Variants in SORCS3 observed in about 807,000 individuals in gnomAD.
SORCS3 encodes the protein VPS10 domain-containing receptor SorCS3.
SORCS3 carries 57 observed loss-of-function variants against 146.3 expected under a neutral mutation model. The observed-to-expected ratio is 0.39, with a 90% confidence interval of 0.31 to 0.49. The LOEUF (loss-of-function observed/expected upper bound fraction) is 0.49, where lower values mean the gene tolerates loss of function less well. Ranked by LOEUF, SORCS3 falls within the 20% of genes least tolerant of loss-of-function variation. The probability of loss-of-function intolerance (pLI) is 0.92; values close to 1 mark genes in which losing one functional copy is unlikely to be tolerated. For missense variants in SORCS3, 1,341 were observed against 1,575.5 expected (o/e 0.85, Z 2.52); for synonymous variants, 653 against 618.5 (o/e 1.06, Z -0.83).
chr10:104,643,453 G>A (rs1230081179), intron 1 of SORCS3, among the ~76,000 whole-genome samples: 1 of 152,238 alleles, frequency 6.6e-6, no homozygotes, highest in African/African-American at 2.4e-5. Flanking sequence ...TGAAGGACCA[G>A]TGAAGTCCAG....
chr10:104,765,273 C>T (rs909588758), intron 1 of SORCS3, among the ~76,000 whole-genome samples: 4 of 152,180 alleles, frequency 2.6e-5, no homozygotes, highest in African/African-American at 7.2e-5. Flanking sequence ...CTCATAAGCC[C>T]CTTGCCCTTA....
At chr10:104,914,726 G>A (rs1021109538) in intron 2 of SORCS3, among the ~76,000 whole-genome samples, 3 of 152,232 alleles carry the variant, frequency 2.0e-5, no homozygotes, top group African/African-American at 4.8e-5. Flanking sequence ...AGCATTAGAA[G>A]GTGGATAAAG....
chr10:105,181,582 C>T (rs961369627), intron 14 of SORCS3, among the ~76,000 whole-genome samples: 5 of 152,194 alleles, frequency 3.3e-5, no homozygotes, highest in Non-Finnish European at 7.3e-5. Context: ...GGAGGATTTA[C>T]ATGGGAGACA....
chr10:104,643,941 A>G (rs1014569544), intron 1 of SORCS3, among the ~76,000 whole-genome samples: 8 of 152,152 alleles, frequency 5.3e-5, no homozygotes, highest in Non-Finnish European at 1.5e-5. Context: ...TTGAGTATTT[A>G]CAAAGCCTCT....
intron 1 of SORCS3, among the ~76,000 whole-genome samples, chr10:104,644,195 T>C (rs2133233681): frequency 6.6e-6 from 1 of 152,336 alleles, no homozygotes; most frequent in South Asian, 2.1e-4. Context: ...CCACAGGGAC[T>C]TATTGGTTGT....
At chr10:105,081,120 A>G (rs1284005826) in intron 5 of SORCS3, among the ~76,000 whole-genome samples, 2 of 152,204 alleles carry the variant, frequency 1.3e-5, no homozygotes, top group African/African-American at 4.8e-5. Flanking sequence ...CGGTTAAAAT[A>G]ATATTAATAA....
chr10:105,073,262 G>A (rs756283224), intron 5 of SORCS3, among the ~76,000 whole-genome samples: 5 of 152,154 alleles, frequency 3.3e-5, no homozygotes, highest in Non-Finnish European at 7.4e-5. Context: ...TGAGCTCTAT[G>A]TGCAGGTTCC....
chr10:104,954,675 C>T (rs915334007), intron 3 of SORCS3, among the ~76,000 whole-genome samples: 4 of 152,146 alleles, frequency 2.6e-5, no homozygotes, highest in Non-Finnish European at 4.4e-5. Flanking sequence ...AACTGGGCAT[C>T]GCGGAAAGGA....
intron 1 of SORCS3, among the ~76,000 whole-genome samples, chr10:104,836,762 T>C (rs978356660): frequency 2.4e-4 from 36 of 152,134 alleles, no homozygotes; most frequent in African/African-American, 8.5e-4. Context: ...TGTCTCTGAG[T>C]GGATCCTGCG....
At chr10:104,901,764 A>G (rs991435128) in intron 2 of SORCS3, among the ~76,000 whole-genome samples, 1 of 152,168 alleles carries the variant, frequency 6.6e-6, no homozygotes, top group South Asian at 2.1e-4. Flanking sequence ...CTAGTGAGAG[A>G]TGGTCTTGTC....
In SORCS3 at chr10:105,043,091, C is replaced by T. The variant is rs530360859; in HGVS notation, c.991C>T (p.Leu331Phe). The change falls in exon 5 of 27, where the codon CTC becomes TTC. Residue 331 changes from leucine to phenylalanine, a missense_variant. Coordinates refer to ENST00000369701, the MANE Select transcript of SORCS3 (RefSeq NM_014978.3). Reference protein sequence around the residue: ...SSMDFGRRWQLMHERITPNRF... With the variant: ...SSMDFGRRWQFMHERITPNRF... ...CATGGACTTTGGAAGACGGTGGCAA[C>T]TCATGCATGAACGCATCACACCCAA... is the stretch of plus-strand genomic sequence containing the variant. 11 of 1,613,850 alleles carry T rather than the reference C, an allele frequency of 6.8e-6. No individual in the cohort carries two copies. Among genetic ancestry groups the T allele is most frequent in the South Asian group, 6.6e-5 (6 of 91,076 alleles).
chr10:104,719,759 C>T (rs939743899), intron 1 of SORCS3, among the ~76,000 whole-genome samples: 3 of 152,304 alleles, frequency 2.0e-5, no homozygotes, highest in African/African-American at 7.2e-5. Context: ...TCTCTCTCTT[C>T]ATGTGACGGT....
chr10:104,929,083 G>A (rs2019179776), intron 3 of SORCS3, among the ~76,000 whole-genome samples: 1 of 152,180 alleles, frequency 6.6e-6, no homozygotes, highest in Non-Finnish European at 1.5e-5. Context: ...GGCCCAATGA[G>A]GTAGTGTGAT....
intron 5 of SORCS3, among the ~76,000 whole-genome samples, chr10:105,060,698 G>A (rs1205609312): frequency 6.6e-6 from 1 of 152,124 alleles, no homozygotes; most frequent in Admixed American, 6.5e-5. Context: ...TAGCACTTTG[G>A]GATGCTGAGG....
chr10:105,098,790 A>G (rs2055764141), intron 6 of SORCS3, among the ~76,000 whole-genome samples: 1 of 152,218 alleles, frequency 6.6e-6, no homozygotes, highest in Non-Finnish European at 1.5e-5. Flanking sequence ...CATGATCTTC[A>G]TATAGTCATC....
chr10:105,193,969 T>C (rs1323595801), intron 14 of SORCS3, among the ~76,000 whole-genome samples: 1 of 152,126 alleles, frequency 6.6e-6, no homozygotes, highest in Non-Finnish European at 1.5e-5. Context: ...TCAAATACTC[T>C]CATGAAAAAT....
chr10:104,798,433 A>C (rs1297769495), intron 1 of SORCS3, among the ~76,000 whole-genome samples: 1 of 152,202 alleles, frequency 6.6e-6, no homozygotes, highest in African/African-American at 2.4e-5. Context: ...AGTCATCTGC[A>C]TAACAATCAC....
intron 3 of SORCS3, among the ~76,000 whole-genome samples, chr10:104,951,292 A>G (rs2019426311): frequency 6.6e-6 from 1 of 152,070 alleles, no homozygotes; most frequent in African/African-American, 2.4e-5. Flanking sequence ...CACACCTTCA[A>G]CACTGCCTTG....
At chr10:104,996,910 A>G (rs964906665) in intron 4 of SORCS3, among the ~76,000 whole-genome samples, 20 of 152,178 alleles carry the variant, frequency 1.3e-4, no homozygotes, top group Admixed American at 6.6e-5. Context: ...TAGCATCTCA[A>G]GAGTTCAGTG....
Sources: allele counts gnomAD v4.1 joint callset (sites outside exome capture counted in the v4.1 genomes callset), GRCh38; gene constraint gnomAD v4.1.1; transcripts MANE v1.5; gene names NCBI Gene and HGNC (gene_info 2026-07-23, HGNC 2026-07-21).